Variants in GANC observed in about 807,000 individuals in gnomAD.
The protein encoded by GANC is glucosidase alpha, neutral C, also known as neutral alpha-glucosidase C.
GANC carries 117 observed loss-of-function variants against 124.2 expected under a neutral mutation model. The observed-to-expected ratio is 0.94, with a 90% CI of 0.81 to 1.10. The LOEUF is 1.10. Ranked by LOEUF, GANC falls within the 50% of genes least tolerant of loss-of-function variation. GANC has a pLI of 0.00. For synonymous variants in GANC, 377 were observed against 376.8 expected (o/e 1.00, Z -0.01); for missense variants, 1,140 against 1,095.0 (o/e 1.04, Z -0.58).
chr15:42,337,182 G>C (rs893209423), intron 15 of GANC, among the ~76,000 whole-genome samples: 1 of 152,252 alleles, frequency 6.6e-6, no homozygotes, highest in East Asian at 1.9e-4. Context: ...ACACATGCGC[G>C]TGTATGTTTA....
chr15:42,351,359 C>G lies in GANC; in HGVS notation c.2562C>G (p.Ser854Arg). The change falls in exon 23 of 24, where the codon AGC becomes AGG. Residue 854 changes from serine to arginine, a missense_variant. Transcript: ENST00000318010. Reference sequence around the variant, plus strand: ...CTGACCAGAGGGGTCATTATCCCAGCAAGTGTGTGGTGGAGAAGATCTTGG... The same window carrying G: ...CTGACCAGAGGGGTCATTATCCCAGGAAGTGTGTGGTGGAGAAGATCTTGG... Reference protein sequence around the residue: ...SFADQRGHYPSKCVVEKILVL... With the variant: ...SFADQRGHYPRKCVVEKILVL... 1 of 1,613,982 alleles carries G rather than the reference C, an allele frequency of 6.2e-7. No individual in the cohort carries two copies. The highest frequency in any genetic ancestry group is 8.5e-7 in the Non-Finnish European group (1 of 1,179,894).
intron 19 of GANC, among the ~76,000 whole-genome samples, chr15:42,345,238 T>C (rs2052354642): frequency 6.6e-6 from 1 of 151,596 alleles, no homozygotes; most frequent in Non-Finnish European, 1.5e-5. Context: ...GATACTATAA[T>C]AGTAATTCAA....
intron 2 of GANC, 75 bp downstream of exon 2, chr15:42,276,485 T>C (rs1156628329): frequency 6.9e-6 from 5 of 720,078 alleles, no homozygotes; most frequent in Non-Finnish European, 1.2e-5. Flanking sequence ...ATTAAATTTT[T>C]GGAACTGATA....
chr15:42,306,451 CT>C, intron 6 of GANC, 94 bp from the exon 7 acceptor site: 2 of 986,192 alleles, frequency 2.0e-6, no homozygotes, highest in Non-Finnish European at 3.0e-6. Context: ...CTTTCTCAGT[CT>C]TTTAAAAAAA....
rs1201225645 is a variant in GANC at position 42,274,161 on chromosome 15, C to G, written c.-321C>G. ...GGTTCTTAACGCTCTTGATTTTTACCCTCTAGGACTCATTGCGTACACGCC... is the reference window on the plus strand; with the variant it reads ...GGTTCTTAACGCTCTTGATTTTTACGCTCTAGGACTCATTGCGTACACGCC... On this transcript the variant is annotated 5_prime_UTR_variant, in exon 1 of 24. Transcript: ENST00000318010. 2.0e-5 allele frequency: 6 copies of G among 298,402 alleles called. No individual in the cohort carries two copies. Among genetic ancestry groups the G allele is most frequent in the Admixed American group, 5.6e-5 (1 of 17,870 alleles). The allele number at this position is 298,402 out of a possible 1,614,324, so 18.5% of individuals were successfully genotyped here.
intron 3 of GANC, among the ~76,000 whole-genome samples, chr15:42,286,248 C>T (rs2051787043): frequency 6.6e-6 from 1 of 152,048 alleles, no homozygotes; most frequent in Admixed American, 6.6e-5. Flanking sequence ...ATTAATAACC[C>T]TTCTTAATCT....
chr15:42,296,073 G>A (rs1254092547), intron 5 of GANC, among the ~76,000 whole-genome samples: 1 of 151,536 alleles, frequency 6.6e-6, no homozygotes, highest in Non-Finnish European at 1.5e-5. Context: ...GAACCTGGGA[G>A]GTGGAGGTTT....
intron 15 of GANC, among the ~76,000 whole-genome samples, chr15:42,337,098 A>G (rs1291730215): frequency 6.6e-6 from 1 of 152,236 alleles, no homozygotes; most frequent in African/African-American, 2.4e-5. Context: ...AACTAAAAAC[A>G]GAACTACCAT....
intron 14 of GANC, 55 bp from the exon 15 acceptor site, chr15:42,330,521 G>A: frequency 8.2e-7 from 1 of 1,226,712 alleles, no homozygotes; most frequent in Non-Finnish European, 1.2e-6. Flanking sequence ...GCTTATTGGG[G>A]ATGTCTGTAC....
At chr15:42,310,225 T>C (rs2052036964) in intron 8 of GANC, 58 bp from the exon 9 acceptor site, 25 of 1,282,832 alleles carry the variant, frequency 1.9e-5, no homozygotes, top group South Asian at 4.9e-5. Context: ...AGCTGTTCTA[T>C]TTATTAATAT....
chr15:42,340,637 A>C, intron 17 of GANC, 53 bp from the exon 18 acceptor site: 6 of 1,145,134 alleles, frequency 5.2e-6, no homozygotes, highest in Non-Finnish European at 6.3e-6. Context: ...TAAGTGATTG[A>C]TTGCAATAAG....
In GANC at chr15:42,276,984, T is replaced by G. The variant is rs768190826; in HGVS notation, c.92+574T>G. Among the ~76,000 whole-genome samples the G allele has an allele frequency of 8.7e-4, 133 of 152,294 alleles. 1 individual carries two copies. Among genetic ancestry groups the G allele is most frequent in the Admixed American group, 1.9e-3 (29 of 15,296 alleles). On this transcript the variant is annotated intron_variant, in intron 2 of 23. Transcript: ENST00000318010. ...TGCATAATATTCCATGGGGTAGATA[T>G]ACTATTAATATAATTTATTCAGTCT...
At chr15:42,283,495 A>G in intron 3 of GANC, 1 of 622,852 alleles carries the variant, frequency 1.6e-6, no homozygotes, top group Non-Finnish European at 2.9e-6. Context: ...TTGTGAGTCT[A>G]GCTTAAATAG....
chr15:42,278,690 G>A (rs1016504879), intron 3 of GANC, 100 bp downstream of exon 3: 14 of 784,484 alleles, frequency 1.8e-5, no homozygotes, highest in South Asian at 1.8e-5. Flanking sequence ...AATAAACCTC[G>A]TTAGAAAAGG....
At chr15:42,304,685 G>T (rs1031109612) in intron 6 of GANC, among the ~76,000 whole-genome samples, 15 of 152,138 alleles carry the variant, frequency 9.9e-5, no homozygotes, top group Non-Finnish European at 1.6e-4. Flanking sequence ...GAACAAAGCT[G>T]GAGTTATCAC....
At position 42,274,462 on chromosome 15, in the gene GANC, G is replaced by C. The variant is rs374683109; in HGVS notation, c.-20G>C. 5 of 1,609,656 alleles carry C rather than the reference G, an allele frequency of 3.1e-6. No homozygotes were observed. The highest frequency in any genetic ancestry group is 1.7e-6 in the Non-Finnish European group (2 of 1,178,156). ...CCCTTGTCCTGAGAGCTGGGAGCTG[G>C]TCGGAGTGACAGAGAAGCCATGGAA... On this transcript the variant is annotated 5_prime_UTR_variant, in exon 1 of 24. Coordinates refer to ENST00000318010, the MANE Select transcript of GANC (RefSeq NM_198141.3).
intron 15 of GANC, among the ~76,000 whole-genome samples, chr15:42,338,023 C>T (rs2141071989): frequency 6.6e-6 from 1 of 152,042 alleles, no homozygotes. Flanking sequence ...GATCACGGCA[C>T]TGCACTGCAG....
intron 10 of GANC, among the ~76,000 whole-genome samples, chr15:42,318,948 C>T (rs1383340552): frequency 6.6e-6 from 1 of 152,144 alleles, no homozygotes; most frequent in African/African-American, 2.4e-5. Context: ...CCCCTTCAAT[C>T]CTGAGAATTG....
Position 42,273,483 on chromosome 15 carries a change from G to A in GANC, c.-999G>A. 1 of 1,572,900 alleles carries A rather than the reference G, an allele frequency of 6.4e-7. No individual in the cohort carries two copies. On this transcript the variant is annotated 5_prime_UTR_variant, in exon 1 of 24. Transcript: ENST00000318010. ...TCTTCCGGCTCTGCTCTAAGGGCGG[G>A]ATTATCCGGGTCCTGGAAACGTCGC...
Sources: gnomAD v4.1 joint callset for allele counts (sites outside exome capture counted in the v4.1 genomes callset) on GRCh38, gnomAD v4.1.1 for gene constraint, MANE v1.5 for transcripts, NCBI Gene and HGNC (gene_info 2026-07-23, HGNC 2026-07-21) for gene names.